Variants in NOL10 observed in about 807,000 individuals in gnomAD.
NOL10 encodes the protein H_NH0074G24.1.
NOL10 carries 58 observed loss-of-function variants against 103.5 expected under a neutral mutation model. The observed-to-expected ratio is 0.56, with a 90% CI of 0.45 to 0.70. The LOEUF (loss-of-function observed/expected upper bound fraction) is 0.70. Among genes scored for constraint, NOL10 ranks in the 30% least tolerant of loss-of-function variants. The pLI is 0.00. For synonymous variants in NOL10, 287 were observed against 282.5 expected (o/e 1.02, Z -0.16); for missense variants, 763 against 807.3 (o/e 0.95, Z 0.67).
intron 13 of NOL10, among the ~76,000 whole-genome samples, chr2:10,625,567 T>C (rs1382190527): frequency 6.6e-6 from 1 of 152,246 alleles, no homozygotes; most frequent in Non-Finnish European, 1.5e-5. Context: ...TAATGTTCTG[T>C]TCCTCAAGAA....
chr2:10,649,372 G>A (rs1679310066), intron 12 of NOL10, among the ~76,000 whole-genome samples: 1 of 140,176 alleles, frequency 7.1e-6, no homozygotes, highest in South Asian at 2.2e-4. Flanking sequence ...CCAGGCTGGA[G>A]AGCAGTGGCA....
chr2:10,577,548 A>AC, intron 20 of NOL10, 88 bp downstream of exon 20: 1 of 911,514 alleles, frequency 1.1e-6, no homozygotes, highest in Non-Finnish European at 1.7e-6. Context: ...AAGCATTGAG[A>AC]AGGCTGCTCT....
rs139155244 is a variant in NOL10, at chr2:10,652,871, G to C, written c.973+1610C>G. ...TCTGCGGATCGGTTCAGGGCTTGCC[G>C]CCTAAGAATCCACCGGGAAGTGTGT... On this transcript the variant is annotated intron_variant, in intron 12 of 20. Coordinates refer to ENST00000381685, the MANE Select transcript of NOL10 (RefSeq NM_024894.4). Among the ~76,000 whole-genome samples, 5 of 152,242 alleles carry C rather than the reference G, an allele frequency of 3.3e-5. No individual in the cohort carries two copies. In the South Asian group the frequency reaches 8.3e-4, roughly 25 times the overall value.
At chr2:10,666,310 ATAAAT>A (rs1185686613) in intron 8 of NOL10, among the ~76,000 whole-genome samples, 8 of 152,184 alleles carry the variant, frequency 5.3e-5, no homozygotes, top group African/African-American at 1.9e-4. Flanking sequence ...AACTGGTTTA[ATAAAT>A]TATAGTACAA....
intron 13 of NOL10, among the ~76,000 whole-genome samples, chr2:10,637,867 G>A (rs1306304906): frequency 1.3e-5 from 2 of 152,156 alleles, no homozygotes; most frequent in Non-Finnish European, 2.9e-5. Flanking sequence ...CAGGCTCCAA[G>A]AGTACTTTCC....
chr2:10,618,034 GTTTTTT>G (rs36205939), intron 13 of NOL10, among the ~76,000 whole-genome samples: 29,700 of 145,884 alleles, frequency 0.2, 3,783 homozygotes, highest in East Asian at 0.43. Context: ...TACACTTCAT[GTTTTTT>G]TTTTTTTTTC....
At chr2:10,602,588 A>C (rs1676035436) in intron 16 of NOL10, among the ~76,000 whole-genome samples, 188 bp downstream of exon 16, 1 of 152,204 alleles carries the variant, frequency 6.6e-6, no homozygotes. Flanking sequence ...GAAAATTGTA[A>C]AGAGTTTTGC....
intron 17 of NOL10, 40 bp from the exon 18 acceptor site, chr2:10,589,791 T>A: frequency 7.8e-7 from 1 of 1,277,016 alleles, no homozygotes; most frequent in Non-Finnish European, 1.0e-6. Flanking sequence ...TAAGTTAATA[T>A]CTGACTAAAA....
At chr2:10,688,206 G>GT (rs1344308580) in intron 1 of NOL10, among the ~76,000 whole-genome samples, 2 of 152,228 alleles carry the variant, frequency 1.3e-5, no homozygotes, top group Non-Finnish European at 1.5e-5. Context: ...AGCCACCGAA[G>GT]TCGCTCACCT....
chr2:10,607,981 T>C (rs928822945), intron 13 of NOL10, among the ~76,000 whole-genome samples: 8 of 152,060 alleles, frequency 5.3e-5, no homozygotes, highest in South Asian at 2.1e-4. Flanking sequence ...TTCTAGACTA[T>C]AGTTAATGGC....
At chr2:10,626,222 A>G (rs1198430887) in intron 13 of NOL10, among the ~76,000 whole-genome samples, 1 of 152,128 alleles carries the variant, frequency 6.6e-6, no homozygotes, top group Non-Finnish European at 1.5e-5. Flanking sequence ...AAGGGTCAAT[A>G]TTCATTACTT....
chr2:10,584,098 C>T (rs954708607), intron 19 of NOL10, among the ~76,000 whole-genome samples: 48 of 152,172 alleles, frequency 3.2e-4, no homozygotes, highest in Non-Finnish European at 4.4e-5. Context: ...TGCACCGTGC[C>T]TCTGCCAGGA....
intron 9 of NOL10, 79 bp from the exon 10 acceptor site, chr2:10,659,329 C>A: frequency 1.6e-5 from 8 of 513,084 alleles, no homozygotes; most frequent in South Asian, 3.7e-5. Flanking sequence ...TTAGTCTTCA[C>A]TTCAAATCTA....
rs1013550512 is a variant in NOL10, at chr2:10,637,207, A to C, written c.1026+7113T>G. On this transcript the variant is annotated intron_variant, in intron 13 of 20. Transcript: ENST00000381685. ...CTGTCTCAAAAAAAAAAAAAAAAAA[A>C]AAAAAACACACACACACACTAAAAC... Among the ~76,000 whole-genome samples, 4 of 150,620 alleles carry C rather than the reference A, an allele frequency of 2.7e-5. No individual in the cohort carries two copies. The East Asian group carries it at 7.7e-4, about 29-fold the overall frequency.
intron 9 of NOL10, 87 bp from the exon 10 acceptor site, chr2:10,659,337 C>G (rs1680034142): frequency 1.2e-5 from 3 of 241,076 alleles, no homozygotes; most frequent in Admixed American, 5.7e-5. Context: ...CACTTCAAAT[C>G]TAATGGGGGG....
chr2:10,605,675 A>G (rs1024968579), intron 14 of NOL10, among the ~76,000 whole-genome samples: 18 of 151,890 alleles, frequency 1.2e-4, no homozygotes, highest in African/African-American at 4.1e-4. Flanking sequence ...TAAAAAATCC[A>G]TAAAAGAACA....
chr2:10,676,378 A>G (rs778810527), intron 3 of NOL10, among the ~76,000 whole-genome samples: 15 of 152,256 alleles, frequency 9.9e-5, no homozygotes, highest in Non-Finnish European at 1.9e-4. Context: ...AGCATTATTT[A>G]TAAATGGTCA....
intron 13 of NOL10, 142 bp downstream of exon 13, chr2:10,644,178 G>A: frequency 1.8e-6 from 1 of 541,482 alleles, no homozygotes; most frequent in Non-Finnish European, 3.2e-6. Flanking sequence ...AACCCAGGAG[G>A]CAGAGGTTGC....
intron 2 of NOL10, among the ~76,000 whole-genome samples, chr2:10,684,115 C>T (rs1488130560): frequency 1.3e-5 from 2 of 151,812 alleles, no homozygotes; most frequent in Admixed American, 1.3e-4. Flanking sequence ...CCCATCTCTA[C>T]TAAAAATACA....
Sources: allele counts gnomAD v4.1 joint callset (sites outside exome capture counted in the v4.1 genomes callset), GRCh38; gene constraint gnomAD v4.1.1; transcripts MANE v1.5; gene names NCBI Gene and HGNC (gene_info 2026-07-23, HGNC 2026-07-21).